MACROD2: variants seen among roughly 807,000 people sequenced by gnomAD.
The protein encoded by MACROD2 is ADP-ribose glycohydrolase MACROD2.
In MACROD2, 36 loss-of-function variants were observed where a neutral mutation model predicts 70.4. The ratio of observed to expected loss-of-function variants is 0.51; its 90% CI spans 0.39 to 0.68. The LOEUF (loss-of-function observed/expected upper bound fraction) is 0.68. MACROD2 is among the 30% of genes least tolerant of loss of function. The probability of loss-of-function intolerance (pLI) is 0.00; values close to 1 mark genes in which losing one functional copy is unlikely to be tolerated. For missense variants in MACROD2, 496 were observed against 538.4 expected, an observed-to-expected ratio of 0.92 and a Z score of 0.78; for synonymous variants, 172 against 178.8, an observed-to-expected ratio of 0.96 and a Z score of 0.30.
At chr20:15,686,351 G>A (rs6043442) in intron 8 of MACROD2, among the ~76,000 whole-genome samples, 1 of 152,060 alleles carries the variant, frequency 6.6e-6, no homozygotes, top group Non-Finnish European at 1.5e-5. Flanking sequence ...AAAAACACTT[G>A]GAGAGTTGTA....
At chr20:15,107,266 G>A (rs995869226) in intron 5 of MACROD2, among the ~76,000 whole-genome samples, 5 of 151,322 alleles carry the variant, frequency 3.3e-5, no homozygotes, top group African/African-American at 1.2e-4. Flanking sequence ...AAATTTCTGG[G>A]CAACATTTTC....
At chr20:14,582,409 C>CT (rs992317485) in intron 4 of MACROD2, among the ~76,000 whole-genome samples, 10 of 152,134 alleles carry the variant, frequency 6.6e-5, no homozygotes, top group Admixed American at 1.3e-4. Context: ...TTATTATCCT[C>CT]TGTGAGTTGG....
chr20:14,731,115 A>C (rs2071592636), intron 5 of MACROD2, among the ~76,000 whole-genome samples: 1 of 152,092 alleles, frequency 6.6e-6, no homozygotes, highest in African/African-American at 2.4e-5. Context: ...GCCCTACCTG[A>C]ATCCAACAAG....
In MACROD2 at chr20:15,812,538, G is replaced by A. The variant is rs2063831980; in HGVS notation, c.646-50207G>A. Among the ~76,000 whole-genome samples, 5 of 151,140 alleles carry A rather than the reference G, an allele frequency of 3.3e-5. No individual in the cohort carries two copies. The South Asian group carries it at 1.0e-3, about 32-fold the overall frequency. On this transcript the variant is annotated intron_variant, in intron 8 of 17. Coordinates refer to ENST00000684519, the MANE Select transcript of MACROD2 (RefSeq NM_001351661.2). ...TCCCCCTTGAGTTGAAACAGGAAAA[G>A]GGAATCCAGTTCTTGGTATATTGGA...
chr20:15,116,024 G>A (rs910496824), intron 5 of MACROD2, among the ~76,000 whole-genome samples: 1 of 152,170 alleles, frequency 6.6e-6, no homozygotes, highest in African/African-American at 2.4e-5. Flanking sequence ...AAAGTAGAGA[G>A]AAGTACAATT....
chr20:15,404,828 A>G (rs368107588), intron 6 of MACROD2, among the ~76,000 whole-genome samples: 4 of 152,364 alleles, frequency 2.6e-5, no homozygotes, highest in African/African-American at 4.8e-5. Context: ...CGTTCCATCC[A>G]TAAAGAGTTC....
chr20:14,391,844 C>T (rs139361905), intron 3 of MACROD2, among the ~76,000 whole-genome samples: 12 of 146,326 alleles, frequency 8.2e-5, no homozygotes, highest in African/African-American at 2.5e-4. Flanking sequence ...GAGGTGGACA[C>T]GGGTTGAGAA....
intron 13 of MACROD2, among the ~76,000 whole-genome samples, chr20:15,971,179 A>G (rs1239048787): frequency 6.6e-6 from 1 of 152,164 alleles, no homozygotes; most frequent in African/African-American, 2.4e-5. Flanking sequence ...TTTCTCTTCA[A>G]ATTAAAGAGC....
At position 15,904,112 on chromosome 20, in the gene MACROD2, G is replaced by T. The variant is rs567651628; in HGVS notation, c.775+18301G>T. ...GTCTTCTTGTCCATCATGTCTTCTT[G>T]CTCTCCTCACCCCGGGAAGGCCATA... is the stretch of plus-strand genomic sequence containing the variant. On this transcript the variant is annotated intron_variant, in intron 10 of 17. Coordinates refer to ENST00000684519, the MANE Select transcript of MACROD2 (RefSeq NM_001351661.2). 5.3e-5 allele frequency among the ~76,000 whole-genome samples: 8 copies of T among 152,272 alleles called. No homozygotes were observed. The South Asian group carries it at 1.2e-3, about 24-fold the overall frequency.
At chr20:15,167,426 G>A (rs189269948) in intron 5 of MACROD2, among the ~76,000 whole-genome samples, 157 of 152,222 alleles carry the variant, frequency 1.0e-3, no homozygotes, top group Non-Finnish European at 1.8e-3. Context: ...GAATGCTCTG[G>A]TTCCAGAACA....
intron 5 of MACROD2, among the ~76,000 whole-genome samples, chr20:15,157,057 A>G (rs2076311654): frequency 6.6e-6 from 1 of 152,212 alleles, no homozygotes; most frequent in Non-Finnish European, 1.5e-5. Flanking sequence ...CTATTTAGTC[A>G]CATTTTGAAA....
At chr20:14,897,532 A>G (rs1050928940) in intron 5 of MACROD2, among the ~76,000 whole-genome samples, 4 of 152,202 alleles carry the variant, frequency 2.6e-5, no homozygotes, top group Non-Finnish European at 5.9e-5. Flanking sequence ...ACTACATCTT[A>G]GTTTCAGCAC....
rs575320905 is a variant in MACROD2, at chr20:15,025,796, C to A, written c.419-204144C>A. 7.9e-5 allele frequency among the ~76,000 whole-genome samples: 12 copies of A among 152,178 alleles called. No individual in the cohort carries two copies. The South Asian group carries it at 2.3e-3, about 29-fold the overall frequency. On this transcript the variant is annotated intron_variant, in intron 5 of 17. Coordinates refer to ENST00000684519, the MANE Select transcript of MACROD2 (RefSeq NM_001351661.2). ...TCAGATGCCATTGGCACCTCCCAAC[C>A]AAAACTGTGCCCAGATCTTGTCAAA...
intron 3 of MACROD2, among the ~76,000 whole-genome samples, chr20:14,341,730 T>C (rs1392624581): frequency 6.6e-6 from 1 of 152,244 alleles, no homozygotes; most frequent in African/African-American, 2.4e-5. Context: ...TTGCAAGTCA[T>C]TGAAGATCTA....
At chr20:14,928,035 A>G (rs2074254192) in intron 5 of MACROD2, among the ~76,000 whole-genome samples, 1 of 152,248 alleles carries the variant, frequency 6.6e-6, no homozygotes, top group African/African-American at 2.4e-5. Context: ...CATTTCTGCA[A>G]TGGCACCCAC....
At chr20:15,379,328 A>G (rs1178800436) in intron 6 of MACROD2, among the ~76,000 whole-genome samples, 2 of 151,048 alleles carry the variant, frequency 1.3e-5, no homozygotes, top group Non-Finnish European at 2.9e-5. Flanking sequence ...CTATAAAATT[A>G]CCAGTATTCC....
intron 6 of MACROD2, among the ~76,000 whole-genome samples, chr20:15,297,281 A>G (rs1246149230): frequency 6.6e-6 from 1 of 152,166 alleles, no homozygotes; most frequent in Non-Finnish European, 1.5e-5. Flanking sequence ...CTACACACAT[A>G]TGGACTTTGG....
At chr20:14,850,503 A>G (rs2073188559) in intron 5 of MACROD2, 1 of 152,972 alleles carries the variant, frequency 6.5e-6, no homozygotes, top group Non-Finnish European at 1.5e-5. Flanking sequence ...TTTGTTTGCC[A>G]CTGTTGTATC....
At chr20:14,340,078 C>G (rs1191686271) in intron 3 of MACROD2, among the ~76,000 whole-genome samples, 1 of 152,156 alleles carries the variant, frequency 6.6e-6, no homozygotes, top group African/African-American at 2.4e-5. Context: ...CTTTTGTTTT[C>G]TAAGGCACTT....
Sources: gnomAD v4.1 joint callset for allele counts (sites outside exome capture counted in the v4.1 genomes callset) on GRCh38, gnomAD v4.1.1 for gene constraint, MANE v1.5 for transcripts, NCBI Gene and HGNC (gene_info 2026-07-23, HGNC 2026-07-21) for gene names.